GMEB1: variants seen among roughly 807,000 people sequenced by gnomAD.
GMEB1 encodes the protein glucocorticoid modulatory element binding protein 1.
Under a neutral mutation model 52.4 loss-of-function variants are expected in GMEB1, and 6 were observed. That is an observed-to-expected ratio of 0.11 (90% CI 0.06 to 0.23). The LOEUF is 0.23. GMEB1 is among the 10% of genes least tolerant of loss of function. The pLI, the probability that GMEB1 is intolerant of heterozygous loss-of-function variation, is 1.00. For synonymous variants in GMEB1, 255 were observed against 244.9 expected (o/e 1.04, Z -0.38); for missense variants, 486 against 685.6 (o/e 0.71, Z 3.25).
At position 28,714,902 on chromosome 1, in the gene GMEB1, G is replaced by A. The variant is rs920820125; in HGVS notation, c.*129G>A. ...AAAAAAAAAACAAAATCTTATTGTT[G>A]TAACTGAAAATGTTGGGTTCTTCCC... On this transcript the variant is annotated 3_prime_UTR_variant, in exon 10 of 10. Coordinates refer to ENST00000373816, the MANE Select transcript of GMEB1 (RefSeq NM_001319674.2). 3 of 701,888 alleles carry A rather than the reference G, an allele frequency of 4.3e-6. No homozygotes were observed. Among genetic ancestry groups the A allele is most frequent in the Non-Finnish European group, 6.9e-6 (3 of 435,482 alleles). The allele number at this position is 701,888 out of a possible 1,614,324, so 43.5% of individuals were successfully genotyped here. A position where few individuals can be genotyped will look rare whatever the true frequency, so the allele number is the denominator to read the frequency against.
Position 28,681,104 on chromosome 1 carries a change from G to A in GMEB1, c.-30-2479G>A, listed in dbSNP as rs1004195770. 7.2e-5 allele frequency among the ~76,000 whole-genome samples: 11 copies of A among 152,268 alleles called. No homozygotes were observed. In the South Asian group the frequency reaches 1.9e-3, roughly 26 times the overall value. ...TTTCCAGGACGTACAGACTGAGGAG[G>A]AAAAGCCAACAAAGTGAGATGATGG... On this transcript the variant is annotated intron_variant, in intron 1 of 9. Transcript: ENST00000373816.
Position 28,702,572 on chromosome 1 carries a change from ATTC to A in GMEB1, c.730+8_730+10del, listed in dbSNP as rs1670568435. 1 of 1,612,632 alleles carries A rather than the reference ATTC, an allele frequency of 6.2e-7. No homozygotes were observed. The highest frequency in any genetic ancestry group is 1.7e-5 in the Admixed American group (1 of 59,954). On this transcript the variant is annotated splice_donor_5th_base_variant and intron_variant, in intron 7 of 9. Coordinates refer to ENST00000373816, the MANE Select transcript of GMEB1 (RefSeq NM_001319674.2). ...GAAAGACTCAGAGGAAATTTCAGGT[ATTC>A]TTCTATAGGGCTCAGATGTCTTGCA...
At chr1:28,683,293 T>G (rs1249184213) in intron 1 of GMEB1, among the ~76,000 whole-genome samples, 1 of 151,992 alleles carries the variant, frequency 6.6e-6, no homozygotes, top group Non-Finnish European at 1.5e-5. Context: ...TGGCATGATC[T>G]CGGCTCACCG....
chr1:28,697,914 C>T (rs1283488357), intron 6 of GMEB1, among the ~76,000 whole-genome samples: 5 of 151,902 alleles, frequency 3.3e-5, no homozygotes, highest in East Asian at 3.9e-4. Context: ...CTGAGGCAGG[C>T]GGATCACGAG....
At position 28,709,586 on chromosome 1, in the gene GMEB1, T is replaced by A. The variant is rs565526597; in HGVS notation, c.869-934T>A. Among the ~76,000 whole-genome samples the A allele has an allele frequency of 3.3e-3, 506 of 151,082 alleles. 2 individuals are homozygous for A. Among genetic ancestry groups the A allele is most frequent in the African/African-American group, 0.011 (439 of 41,184 alleles). On this transcript the variant is annotated intron_variant, in intron 8 of 9. Coordinates refer to ENST00000373816, the MANE Select transcript of GMEB1 (RefSeq NM_001319674.2). ...GATGCAAGATATTAAAAAAAAAAAA[T>A]TTTTTTGAGATGGAGTCTGGCCCTG...
chr1:28,677,293 T>C (rs1249925219), intron 1 of GMEB1, among the ~76,000 whole-genome samples: 1 of 152,104 alleles, frequency 6.6e-6, no homozygotes, highest in Non-Finnish European at 1.5e-5. Flanking sequence ...AGTATTGCTC[T>C]GTCGCCCAGG....
chr1:28,690,801 C>G (rs1021395545), intron 3 of GMEB1, among the ~76,000 whole-genome samples: 1 of 150,180 alleles, frequency 6.7e-6, no homozygotes, highest in Admixed American at 6.6e-5. Context: ...GCCAACATGG[C>G]GAAACCCCGC....
At chr1:28,709,339 G>T (rs1670937997) in intron 8 of GMEB1, among the ~76,000 whole-genome samples, 1 of 151,890 alleles carries the variant, frequency 6.6e-6, no homozygotes, top group Non-Finnish European at 1.5e-5. Context: ...TAATAATCTT[G>T]CATGCCAGTC....
intron 1 of GMEB1, among the ~76,000 whole-genome samples, chr1:28,679,208 C>T (rs987527894): frequency 1.5e-4 from 22 of 147,854 alleles, no homozygotes; most frequent in Non-Finnish European, 2.8e-4. Flanking sequence ...GATGGAGTTT[C>T]GCTTTCTTGC....
At chr1:28,677,350 A>T (rs1003579119) in intron 1 of GMEB1, among the ~76,000 whole-genome samples, 2 of 151,702 alleles carry the variant, frequency 1.3e-5, no homozygotes, top group Non-Finnish European at 2.9e-5. Flanking sequence ...GGCGCCCATC[A>T]CCACGTCTGG....
intron 4 of GMEB1, among the ~76,000 whole-genome samples, chr1:28,692,436 G>A (rs903393757): frequency 7.2e-5 from 11 of 151,920 alleles, no homozygotes; most frequent in Non-Finnish European, 1.3e-4. Context: ...GGAGGCTAAG[G>A]CAGGAGAATC....
At chr1:28,669,193 G>A (rs896192884) in intron 1 of GMEB1, among the ~76,000 whole-genome samples, 5 of 151,718 alleles carry the variant, frequency 3.3e-5, no homozygotes, top group East Asian at 2.0e-4. Context: ...CGAGGGGCCC[G>A]GAAGTACTCG....
intron 9 of GMEB1, 126 bp from the exon 10 acceptor site, chr1:28,713,947 T>TGTCAC: frequency 1.4e-6 from 1 of 703,908 alleles, no homozygotes; most frequent in Non-Finnish European, 2.5e-6. Context: ...AAGAAAACAA[T>TGTCAC]GTCACAACTT....
chr1:28,680,810 G>A (rs565799214), intron 1 of GMEB1, among the ~76,000 whole-genome samples: 3 of 151,856 alleles, frequency 2.0e-5, no homozygotes, highest in East Asian at 3.9e-4. Context: ...TTGGGAGGCC[G>A]AGGTGGGCAG....
chr1:28,692,684 A>G (rs1318231762), intron 4 of GMEB1, among the ~76,000 whole-genome samples: 6 of 152,134 alleles, frequency 3.9e-5, no homozygotes, highest in Non-Finnish European at 8.8e-5. Context: ...CCAGGCATAA[A>G]TGGATTTTAG....
chr1:28,701,269 T>A (rs1670494544), intron 6 of GMEB1, among the ~76,000 whole-genome samples: 2 of 43,938 alleles, frequency 4.6e-5, no homozygotes, highest in South Asian at 2.8e-3. Flanking sequence ...AAAAGCTGTC[T>A]TTTTTTTTTT....
At chr1:28,705,444 T>C (rs1187055673) in intron 8 of GMEB1, among the ~76,000 whole-genome samples, 1 of 147,596 alleles carries the variant, frequency 6.8e-6, no homozygotes, top group Non-Finnish European at 1.5e-5. Context: ...ATATGTATTT[T>C]CTTTTTTTTT....
intron 5 of GMEB1, among the ~76,000 whole-genome samples, chr1:28,695,370 T>C (rs1281449394): frequency 1.3e-5 from 2 of 151,770 alleles, no homozygotes. Flanking sequence ...ATAGCTGGGA[T>C]TATAGGCATG....
intron 8 of GMEB1, among the ~76,000 whole-genome samples, chr1:28,706,395 A>G (rs1246911986): frequency 1.3e-5 from 2 of 152,030 alleles, no homozygotes; most frequent in Non-Finnish European, 2.9e-5. Flanking sequence ...ACCTGAGATC[A>G]GGAAGTCAAG....
Sources: gnomAD v4.1 joint callset for allele counts (sites outside exome capture counted in the v4.1 genomes callset) on GRCh38, gnomAD v4.1.1 for gene constraint, MANE v1.5 for transcripts, NCBI Gene and HGNC (gene_info 2026-07-23, HGNC 2026-07-21) for gene names.